The following GSN variants were observed in gnomAD, a reference collection of about 807,000 sequenced individuals.
GSN encodes gelsolin.
Under a neutral mutation model 85.7 loss-of-function variants are expected in GSN, and 56 were observed. The ratio of observed to expected loss-of-function variants is 0.65; its 90% confidence interval spans 0.53 to 0.82. GSN has a LOEUF of 0.82. Among genes scored for constraint, GSN ranks in the 40% least tolerant of loss-of-function variants. The probability of loss-of-function intolerance (pLI) is 0.00; values close to 1 mark genes in which losing one functional copy is unlikely to be tolerated. For synonymous variants in GSN, 373 were observed against 399.1 expected (o/e 0.93, Z 0.78); for missense variants, 857 against 979.8 (o/e 0.87, Z 1.67).
chr9:121,268,059 C>G (rs1282412324), upstream of GSN: 1 of 151,644 alleles, frequency 6.6e-6, no homozygotes, highest in Admixed American at 6.6e-5. Flanking sequence ...GCCTGGCGCT[C>G]CTCCCCCACC....
At chr9:121,259,306 A>G (rs2055031367) in intron 6 of GSN, among the ~76,000 whole-genome samples, 1 of 152,242 alleles carries the variant, frequency 6.6e-6, no homozygotes, top group Non-Finnish European at 1.5e-5. Flanking sequence ...AGCCTATTTC[A>G]GCAGAATGGT....
chr9:121,274,693 A>G (rs2056448778), intron 1 of GSN, among the ~76,000 whole-genome samples: 2 of 152,172 alleles, frequency 1.3e-5, no homozygotes, highest in African/African-American at 2.4e-5. Flanking sequence ...GGGTCAGCGG[A>G]TGGAAAATTA....
chr9:121,313,403 G>T (rs1437602815), intron 6 of GSN: 1 of 205,162 alleles, frequency 4.9e-6, no homozygotes, highest in East Asian at 1.2e-4. Flanking sequence ...TTATGGGAAG[G>T]GACCTGGACA....
chr9:121,222,351 TATAAA>T (rs1655968648), intron 4 of GSN: 1 of 152,208 alleles, frequency 6.6e-6, no homozygotes, highest in Non-Finnish European at 1.5e-5. Context: ...CTTAAAGAAA[TATAAA>T]ATGAGTGCTT....
chr9:121,294,121 T>C (rs185249092), intron 2 of GSN, among the ~76,000 whole-genome samples: 3 of 152,334 alleles, frequency 2.0e-5, no homozygotes, highest in Non-Finnish European at 4.4e-5. Context: ...CTCCTGTGGC[T>C]TCTCCTGCTC....
chr9:121,297,465 C>A (rs1050832033), intron 2 of GSN, among the ~76,000 whole-genome samples: 3 of 152,196 alleles, frequency 2.0e-5, no homozygotes, highest in African/African-American at 7.2e-5. Flanking sequence ...CAGCCTCAGG[C>A]AGCCACGGCA....
chr9:121,317,366 A>G, intron 8 of GSN, 148 bp downstream of exon 8: 1 of 872,628 alleles, frequency 1.1e-6, no homozygotes, highest in South Asian at 1.3e-5. Flanking sequence ...TTGGTTTTGC[A>G]TTTGACATAC....
chr9:121,277,866 C>T (rs7857673), intron 1 of GSN, among the ~76,000 whole-genome samples: 33,675 of 151,938 alleles, frequency 0.22, 4,280 homozygotes, highest in African/African-American at 0.35. Flanking sequence ...TTTTGTATGC[C>T]TCTGAGCTAA....
chr9:121,256,939 A>G (rs996079024), intron 6 of GSN, among the ~76,000 whole-genome samples: 1 of 152,204 alleles, frequency 6.6e-6, no homozygotes, highest in Non-Finnish European at 1.5e-5. Context: ...TTGATAGTAC[A>G]GTAAATTATA....
chr9:121,324,194 A>G (rs1346356501), intron 11 of GSN, among the ~76,000 whole-genome samples: 1 of 152,114 alleles, frequency 6.6e-6, no homozygotes, highest in East Asian at 1.9e-4. Flanking sequence ...CTATTCTGCG[A>G]CCTGCTTTTC....
intron 4 of GSN, among the ~76,000 whole-genome samples, chr9:121,228,135 C>T (rs1393212309): frequency 6.6e-6 from 1 of 151,950 alleles, no homozygotes; most frequent in Non-Finnish European, 1.5e-5. Context: ...TGATATTTAT[C>T]CTGTGTTGTA....
intron 2 of GSN, among the ~76,000 whole-genome samples, chr9:121,293,886 A>C (rs1024010778): frequency 6.6e-6 from 1 of 152,088 alleles, no homozygotes; most frequent in African/African-American, 2.4e-5. Context: ...AATTCACACA[A>C]CTACCCTAGG....
intron 6 of GSN, 132 bp from the exon 7 acceptor site, chr9:121,313,802 T>G (rs1226856842): frequency 1.3e-6 from 1 of 754,174 alleles, no homozygotes; most frequent in Non-Finnish European, 2.4e-6. Context: ...AGGATGTGTC[T>G]GGAGGAGGTC....
chr9:121,237,760 T>C (rs1175052405), intron 5 of GSN, among the ~76,000 whole-genome samples: 1 of 152,160 alleles, frequency 6.6e-6, no homozygotes, highest in Admixed American at 6.6e-5. Flanking sequence ...AGGCTGATAC[T>C]CTTGAGGAGG....
chr9:121,301,735 G>A (rs1190728051), intron 2 of GSN, among the ~76,000 whole-genome samples: 2 of 152,188 alleles, frequency 1.3e-5, no homozygotes, highest in African/African-American at 4.8e-5. Context: ...GGCTGAGTAG[G>A]AGGGACAGAT....
chr9:121,267,770 C>T (rs115002627), upstream of GSN, among the ~76,000 whole-genome samples: 6,017 of 152,154 alleles, frequency 0.04, 431 homozygotes, highest in African/African-American at 0.14. Context: ...TCCTGAAGTC[C>T]GTTCTCTCCA....
At chr9:121,331,478 GAGGGGT>G in intron 17 of GSN, 30 bp downstream of exon 17, 1 of 1,148,692 alleles carries the variant, frequency 8.7e-7, no homozygotes, top group Non-Finnish European at 1.3e-6. Flanking sequence ...GGGGCGGGGG[GAGGGGT>G]CCGTTGCTTG....
chr9:121,278,136 C>G (rs762735927), intron 1 of GSN, among the ~76,000 whole-genome samples: 1 of 151,520 alleles, frequency 6.6e-6, no homozygotes, highest in African/African-American at 2.4e-5. Context: ...AGGCAGCCTG[C>G]GTTGGTGGGA....
chr9:121,244,841 A>G (rs1231201980), intron 5 of GSN, among the ~76,000 whole-genome samples: 2 of 152,180 alleles, frequency 1.3e-5, no homozygotes, highest in South Asian at 2.1e-4. Flanking sequence ...GCAATCATTT[A>G]TCTACAAATA....
Sources: gnomAD v4.1 joint callset for allele counts (sites outside exome capture counted in the v4.1 genomes callset) on GRCh38, gnomAD v4.1.1 for gene constraint, MANE v1.5 for transcripts, NCBI Gene and HGNC (gene_info 2026-07-23, HGNC 2026-07-21) for gene names.